SHMT1: variants seen among roughly 807,000 people sequenced by gnomAD.
The protein encoded by SHMT1 is serine hydroxymethyltransferase 1, also known as serine hydroxymethyltransferase, cytosolic.
In SHMT1, 45 loss-of-function variants were observed where a neutral mutation model predicts 49.0. The observed-to-expected ratio is 0.92, with a 90% CI of 0.72 to 1.18. The LOEUF (loss-of-function observed/expected upper bound fraction) is 1.18. Among genes scored for constraint, SHMT1 ranks in the 50% most tolerant of loss-of-function variants. The probability of loss-of-function intolerance (pLI) is 0.00; values close to 1 mark genes in which losing one functional copy is unlikely to be tolerated. For missense variants in SHMT1, 541 were observed against 612.4 expected (o/e 0.88, Z 1.23); for synonymous variants, 232 against 246.6 (o/e 0.94, Z 0.55).
chr17:18,334,626 A>G lies in SHMT1; in HGVS notation c.931+933T>C, dbSNP rs574674865. 2.2e-4 allele frequency among the ~76,000 whole-genome samples: 34 copies of G among 152,348 alleles called. No homozygotes were observed. In the South Asian group the frequency reaches 6.6e-3, roughly 30 times the overall value. On this transcript the variant is annotated intron_variant, in intron 8 of 11. Transcript: ENST00000316694. ...TGCAGCCTTCGTCCTACCCTGCACC[A>G]TTCAGACTTATCTGGTATCTCACAT...
chr17:18,334,203 A>G (rs886403798), intron 8 of SHMT1, among the ~76,000 whole-genome samples: 1 of 152,106 alleles, frequency 6.6e-6, no homozygotes, highest in Non-Finnish European at 1.5e-5. Flanking sequence ...CGGCCTCCCA[A>G]AGTGCTGGGA....
At chr17:18,339,071 A>AAAAAAAAAAG (rs1984186029) in intron 7 of SHMT1, among the ~76,000 whole-genome samples, 1 of 150,146 alleles carries the variant, frequency 6.7e-6, no homozygotes, top group African/African-American at 2.4e-5. Context: ...AAAAAAAAAA[A>AAAAAAAAAAG]AAAAAAAAGA....
rs940331490 is a variant in SHMT1, at chr17:18,335,590, C to A, written c.900G>T (p.Leu300=). ...SLINSAVFPG[L]QGGPHNHAIA... The stretch of plus-strand genomic sequence containing the variant: ...TGGCGTGGTTGTGGGGACCTCCCTG[C>A]AGGCCAGGGAACACAGCAGAATTGA... Residue 300 remains leucine (L), a synonymous_variant, in exon 8 of 12, where the codon CTG becomes CTT. Transcript: ENST00000316694. 1.9e-6 allele frequency: 3 copies of A among 1,612,782 alleles called. No homozygotes were observed. Among genetic ancestry groups the A allele is most frequent in the Non-Finnish European group, 2.5e-6 (3 of 1,179,076 alleles).
At chr17:18,332,710 A>C (rs1211680900) in intron 9 of SHMT1, 1 of 275,862 alleles carries the variant, frequency 3.6e-6, no homozygotes, top group African/African-American at 2.2e-5. Flanking sequence ...TGCCTAAAGC[A>C]AGCCAACTCC....
At chr17:18,329,901 G>C (rs889385895) in intron 10 of SHMT1, among the ~76,000 whole-genome samples, 1 of 152,120 alleles carries the variant, frequency 6.6e-6, no homozygotes, top group Non-Finnish European at 1.5e-5. Flanking sequence ...TCTCACTGTC[G>C]CCTAAGCTGG....
chr17:18,355,892 A>G lies in SHMT1; in HGVS notation c.90T>C (p.Asp30=). 6.2e-7 allele frequency: 1 copy of G among 1,610,434 alleles called. No individual in the cohort carries two copies. Among genetic ancestry groups the G allele is most frequent in the East Asian group, 2.2e-5 (1 of 44,866 alleles). ...KMLAQPLKDS[D]VEVYNIIKKE... ...AAGACCCCAAAAATCTCACCTCAAC[A>G]TCACTGTCTTTGAGGGGTTGTGCCA... The change falls in exon 2 of 12, where the codon GAT becomes GAC. Residue 30 remains aspartate (D), a synonymous_variant. Coordinates refer to ENST00000316694, the MANE Select transcript of SHMT1 (RefSeq NM_004169.5).
chr17:18,362,108 T>G (rs776651601), intron 1 of SHMT1, among the ~76,000 whole-genome samples: 4 of 152,188 alleles, frequency 2.6e-5, no homozygotes, highest in Admixed American at 6.6e-5. Flanking sequence ...ACACATTTTG[T>G]GTTCTCTTCT....
chr17:18,362,809 G>A (rs1487499214), intron 1 of SHMT1, among the ~76,000 whole-genome samples: 1 of 152,186 alleles, frequency 6.6e-6, no homozygotes, highest in African/African-American at 2.4e-5. Flanking sequence ...TAGAACAGGG[G>A]GTGGCAGATT....
Position 18,355,005 on chromosome 17 carries a change from C to T in SHMT1, c.96+881G>A, listed in dbSNP as rs1159421904. Among the ~76,000 whole-genome samples, 10 of 121,734 alleles carry T rather than the reference C, an allele frequency of 8.2e-5. No individual in the cohort carries two copies. The South Asian group carries it at 8.3e-4, about 10-fold the overall frequency. 79.9% of individuals were successfully genotyped at this position (121,734 alleles called of 152,430 possible). On this transcript the variant is annotated intron_variant, in intron 2 of 11. Coordinates refer to ENST00000316694, the MANE Select transcript of SHMT1 (RefSeq NM_004169.5). ...GATGGAGCTTGCAGTGAGCTGAGATCGCGTCACTGCACTCCAGCCTGAGCA... is the reference window on the plus strand; with the variant it reads ...GATGGAGCTTGCAGTGAGCTGAGATTGCGTCACTGCACTCCAGCCTGAGCA...
chr17:18,352,988 GACAATGCCTTCA>G (rs1484873194), intron 3 of SHMT1, among the ~76,000 whole-genome samples: 3 of 152,186 alleles, frequency 2.0e-5, no homozygotes, highest in Non-Finnish European at 4.4e-5. Flanking sequence ...ATAGGAGAAA[GACAATGCCTTCA>G]ACTTGATTCT....
Position 18,328,751 on chromosome 17 carries a change from T to C in SHMT1, c.1451A>G (p.Ter484=). Residue 484 remains the stop codon, a stop_retained_variant, in exon 12 of 12, where the codon TAA becomes TGA. Transcript: ENST00000316694. ...LFPLPGLPDF[*] ...TGGGTCCAGAGTGGGCCCGCTCCTT[T>C]AGAAGTCAGGCAGGCCAGGCAGAGG... The C allele has an allele frequency of 1.3e-6, 2 of 1,570,556 alleles. No individual in the cohort carries two copies. The highest frequency in any genetic ancestry group is 1.7e-6 in the Non-Finnish European group (2 of 1,156,974).
intron 2 of SHMT1, among the ~76,000 whole-genome samples, 163 bp from the exon 3 acceptor site, chr17:18,353,980 A>G (rs1374400170): frequency 3.9e-5 from 6 of 152,200 alleles, no homozygotes; most frequent in Non-Finnish European, 8.8e-5. Flanking sequence ...CTAATCAATG[A>G]ATTAACAAAA....
chr17:18,363,141 G>A (rs1986925475), intron 1 of SHMT1: 1 of 152,260 alleles, frequency 6.6e-6, no homozygotes, highest in Non-Finnish European at 1.5e-5. Context: ...CAAAGGCCAC[G>A]GGCCGCCACC....
chr17:18,348,377 C>T lies in SHMT1; in HGVS notation c.306G>A (p.Gln102=). The T allele has an allele frequency of 6.2e-7, 1 of 1,614,084 alleles. No individual in the cohort carries two copies. The highest frequency in any genetic ancestry group is 8.5e-7 in the Non-Finnish European group (1 of 1,179,948). Residue 102 remains glutamine, a synonymous_variant, in exon 4 of 12, where the codon CAG becomes CAA. Transcript: ENST00000316694. ...LETLCQKRAL[Q]AYKLDPQCWG... is the part of the protein sequence containing the mutation. ...AGCACTGTGGGTCCAGCTTATAGGC[C>T]TGCAGGGCTCGCTTCTGACAGAGGG...
At chr17:18,330,497 T>C in intron 10 of SHMT1, 58 bp downstream of exon 10, 1 of 1,223,610 alleles carries the variant, frequency 8.2e-7, no homozygotes, top group East Asian at 2.3e-5. Context: ...GCTACAACTT[T>C]GGCCAGAAGA....
chr17:18,355,633 G>A (rs913169873), intron 2 of SHMT1, among the ~76,000 whole-genome samples: 8 of 151,098 alleles, frequency 5.3e-5, no homozygotes, highest in African/African-American at 1.9e-4. Context: ...TCAGGAAAGG[G>A]TCAACTGTCA....
chr17:18,356,031 C>A, intron 1 of SHMT1, 31 bp from the exon 2 acceptor site: 1 of 1,018,816 alleles, frequency 9.8e-7, no homozygotes, highest in Non-Finnish European at 1.5e-6. Context: ...TGTGTAGCTT[C>A]CAGAATTAAA....
chr17:18,352,683 G>C (rs867749665), intron 3 of SHMT1, among the ~76,000 whole-genome samples: 1 of 151,984 alleles, frequency 6.6e-6, no homozygotes, highest in South Asian at 2.1e-4. Context: ...AGCTGGGTGT[G>C]GTGGTGTGTG....
rs1983098630 is a variant in SHMT1, at chr17:18,330,607, A to G, written c.1119T>C (p.Ala373=). 6.2e-7 allele frequency: 1 copy of G among 1,614,078 alleles called. No individual in the cohort carries two copies. Among genetic ancestry groups the G allele is most frequent in the African/African-American group, 1.3e-5 (1 of 74,950 alleles). ...LRSKGTDGGR[A]EKVLEACSIA... ...TAGAACAGGCTTCTAGCACCTTCTC[A>G]GCCCTTCCACCATCTGTGCCTTTGG... Residue 373 remains alanine (A), a synonymous_variant, in exon 10 of 12, where the codon GCT becomes GCC. Transcript: ENST00000316694.
Sources: gnomAD v4.1 joint callset for allele counts (sites outside exome capture counted in the v4.1 genomes callset) on GRCh38, gnomAD v4.1.1 for gene constraint, MANE v1.5 for transcripts, NCBI Gene and HGNC (gene_info 2026-07-23, HGNC 2026-07-21) for gene names.